Variants in SYT1 observed in about 807,000 individuals in gnomAD.
SYT1 encodes the protein synaptotagmin-1.
Under a neutral mutation model 44.8 loss-of-function variants are expected in SYT1, and 8 were observed. That is an observed-to-expected ratio of 0.18 (90% CI 0.10 to 0.32). SYT1 has a LOEUF of 0.32. SYT1 is among the 10% of genes least tolerant of loss of function. The pLI is 1.00. For missense variants in SYT1, 286 were observed against 509.3 expected, an observed-to-expected ratio of 0.56 and a Z score of 4.22; for synonymous variants, 154 against 188.8, an observed-to-expected ratio of 0.82 and a Z score of 1.51.
At chr12:79,440,366 T>C (rs1870340817) in intron 9 of SYT1, among the ~76,000 whole-genome samples, 2 of 152,162 alleles carry the variant, frequency 1.3e-5, no homozygotes, top group Admixed American at 1.3e-4. Context: ...ATGATGAAGG[T>C]TTCCATGAGT....
intron 4 of SYT1, among the ~76,000 whole-genome samples, chr12:79,247,985 A>T (rs1876953779): frequency 6.6e-6 from 1 of 152,242 alleles, no homozygotes; most frequent in South Asian, 2.1e-4. Context: ...TAAAGATCTT[A>T]TTGGTTAGAA....
At chr12:79,102,774 C>T (rs1878515136) in intron 3 of SYT1, among the ~76,000 whole-genome samples, 1 of 152,122 alleles carries the variant, frequency 6.6e-6, no homozygotes, top group East Asian at 1.9e-4. Flanking sequence ...TTGAGGTTTG[C>T]AGTAGTAAGG....
At chr12:79,241,857 A>T (rs1418964023) in intron 4 of SYT1, among the ~76,000 whole-genome samples, 1 of 152,188 alleles carries the variant, frequency 6.6e-6, no homozygotes, top group Non-Finnish European at 1.5e-5. Flanking sequence ...GTGAGGTCAT[A>T]CCGAAGTAAT....
chr12:78,978,770 C>T (rs1406763247), intron 2 of SYT1, among the ~76,000 whole-genome samples: 1 of 152,158 alleles, frequency 6.6e-6, no homozygotes, highest in Non-Finnish European at 1.5e-5. Context: ...AATAGTGTTA[C>T]AGTGTGAAGC....
At chr12:79,072,727 A>T (rs932310863) in intron 3 of SYT1, among the ~76,000 whole-genome samples, 37 of 152,292 alleles carry the variant, frequency 2.4e-4, no homozygotes, top group African/African-American at 7.9e-4. Context: ...TTTAAACAAG[A>T]TGAGAATTAA....
At chr12:79,357,801 A>G (rs1270984395) in intron 9 of SYT1, among the ~76,000 whole-genome samples, 2 of 152,186 alleles carry the variant, frequency 1.3e-5, no homozygotes, top group African/African-American at 2.4e-5. Flanking sequence ...ACATGTCTCA[A>G]TAGCTTCGTT....
At chr12:79,033,563 G>A (rs1343557861) in intron 2 of SYT1, among the ~76,000 whole-genome samples, 3 of 151,194 alleles carry the variant, frequency 2.0e-5, no homozygotes, top group Admixed American at 6.6e-5. Context: ...TTCTTGCATC[G>A]TCTCCTACCT....
intron 8 of SYT1, among the ~76,000 whole-genome samples, chr12:79,346,113 G>A (rs1334734217): frequency 1.3e-5 from 2 of 152,148 alleles, no homozygotes; most frequent in African/African-American, 4.8e-5. Context: ...ATTTGCAAAG[G>A]TCACTAAAAT....
intron 1 of SYT1, among the ~76,000 whole-genome samples, chr12:78,936,521 C>G (rs1340763259): frequency 6.6e-6 from 1 of 151,910 alleles, no homozygotes; most frequent in Non-Finnish European, 1.5e-5. Context: ...TTTCTTTATT[C>G]TTTAAATTGG....
intron 2 of SYT1, among the ~76,000 whole-genome samples, chr12:79,034,451 G>T (rs976383633): frequency 7.3e-5 from 11 of 151,644 alleles, no homozygotes; most frequent in Middle Eastern, 6.8e-3. Flanking sequence ...AAATTACAGA[G>T]ACTTTTTTGC....
intron 9 of SYT1, among the ~76,000 whole-genome samples, chr12:79,404,575 A>C (rs1281113947): frequency 6.6e-6 from 1 of 152,190 alleles, no homozygotes; most frequent in East Asian, 1.9e-4. Flanking sequence ...AGTCAGCTTC[A>C]TCCGAGCATA....
At chr12:79,131,737 T>A (rs1868836276) in intron 3 of SYT1, among the ~76,000 whole-genome samples, 1 of 152,186 alleles carries the variant, frequency 6.6e-6, no homozygotes, top group Admixed American at 6.5e-5. Context: ...CTAAAACAAA[T>A]CTATACTGAT....
chr12:79,257,045 T>C (rs1173240216), intron 4 of SYT1, among the ~76,000 whole-genome samples: 2 of 152,202 alleles, frequency 1.3e-5, no homozygotes, highest in African/African-American at 4.8e-5. Context: ...AGATAAATGA[T>C]CTTAAAGATG....
intron 6 of SYT1, among the ~76,000 whole-genome samples, chr12:79,292,403 T>C (rs146069308): frequency 1.3e-5 from 2 of 152,238 alleles, no homozygotes; most frequent in Non-Finnish European, 1.5e-5. Context: ...GCAGTCGGTC[T>C]GCTTCTGAGA....
chr12:78,970,284 C>CAT (rs1868343663), intron 1 of SYT1, among the ~76,000 whole-genome samples: 1 of 152,154 alleles, frequency 6.6e-6, no homozygotes, highest in Non-Finnish European at 1.5e-5. Context: ...ATAAACCCTA[C>CAT]TTAAAGTGAA....
intron 1 of SYT1, among the ~76,000 whole-genome samples, chr12:78,865,944 A>T (rs980047578): frequency 1.4e-4 from 21 of 151,994 alleles, no homozygotes; most frequent in African/African-American, 5.1e-4. Context: ...ATTAAAATAG[A>T]TTATTACTTT....
Position 78,899,685 on chromosome 12 carries a change from C to T in SYT1, c.-217+34576C>T, listed in dbSNP as rs1875554435. Among the ~76,000 whole-genome samples, 3 of 151,774 alleles carry T rather than the reference C, an allele frequency of 2.0e-5. No homozygotes were observed. The East Asian group carries it at 5.8e-4, about 30-fold the overall frequency. On this transcript the variant is annotated intron_variant, in intron 1 of 10. Coordinates refer to ENST00000261205, the MANE Select transcript of SYT1 (RefSeq NM_005639.3). ...ATGTAGCGCTTAAAAATATTCAGTG[C>T]TTTGTTTAATACGCAAACTTAGCAT...
In SYT1 at chr12:79,449,096, T is replaced by C. The variant is rs1401016003; in HGVS notation, c.1241T>C (p.Val414Ala). Residue 414 changes from valine (V) to alanine (A), a missense_variant, in exon 11 of 11, where the codon GTT (valine) becomes GCT (alanine). By Grantham distance (64) the Val-to-Ala change is moderately conservative. This residue lies in a region of SYT1 where 34 missense variants were observed against 59.0 expected (regional missense o/e 0.58). Coordinates refer to ENST00000261205, the MANE Select transcript of SYT1 (RefSeq NM_005639.3). ...QWHTLQVEEE[V>A]DAMLAVKK is the part of the protein sequence containing the mutation. The stretch of plus-strand genomic sequence containing the variant: ...CACACCCTGCAGGTAGAGGAGGAAG[T>C]TGATGCCATGCTGGCCGTCAAGAAG... The C allele has an allele frequency of 1.2e-6, 2 of 1,613,446 alleles. No homozygotes were observed. The highest frequency in any genetic ancestry group is 1.1e-5 in the South Asian group (1 of 90,988).
intron 9 of SYT1, among the ~76,000 whole-genome samples, chr12:79,389,211 C>T (rs1457760487): frequency 6.6e-6 from 1 of 152,126 alleles, no homozygotes; most frequent in Non-Finnish European, 1.5e-5. Flanking sequence ...ATAAACTGTA[C>T]TATAGAACGT....
Sources: allele counts gnomAD v4.1 joint callset (sites outside exome capture counted in the v4.1 genomes callset), GRCh38; gene constraint gnomAD v4.1.1; regional missense constraint gnomAD v4.1.1; transcripts MANE v1.5; gene names NCBI Gene and HGNC (gene_info 2026-07-23, HGNC 2026-07-21).